Variants in SYNPR observed in about 807,000 individuals in gnomAD.
SYNPR encodes synaptoporin.
In SYNPR, 23 loss-of-function variants were observed where a neutral mutation model predicts 32.9. The observed-to-expected ratio is 0.70, with a 90% CI of 0.50 to 0.99. The LOEUF is 0.99. SYNPR is among the 50% of genes least tolerant of loss of function. The pLI is 0.00. For synonymous variants in SYNPR, 146 were observed against 135.9 expected, an observed-to-expected ratio of 1.07 and a Z score of -0.52; for missense variants, 318 against 349.3, an observed-to-expected ratio of 0.91 and a Z score of 0.71.
intron 2 of SYNPR, among the ~76,000 whole-genome samples, chr3:63,469,181 C>T (rs1700747976): frequency 6.6e-6 from 1 of 152,042 alleles, no homozygotes; most frequent in Admixed American, 6.5e-5. Context: ...CAATCTGAGG[C>T]CTATTCTAAA....
chr3:63,282,557 C>G (rs2086639895), intron 2 of SYNPR, among the ~76,000 whole-genome samples: 1 of 151,848 alleles, frequency 6.6e-6, no homozygotes, highest in Non-Finnish European at 1.5e-5. Flanking sequence ...GTGGTGCATG[C>G]CTATAGCCCC....
At chr3:63,332,686 A>G (rs1447578658) in intron 2 of SYNPR, among the ~76,000 whole-genome samples, 3 of 152,210 alleles carry the variant, frequency 2.0e-5, no homozygotes, top group Admixed American at 6.5e-5. Flanking sequence ...TATAGGTTCC[A>G]TCATCCCTGT....
intron 2 of SYNPR, among the ~76,000 whole-genome samples, chr3:63,313,699 A>ATATCCATATATATG (rs2086995828): frequency 4.4e-5 from 2 of 45,076 alleles, no homozygotes; most frequent in Admixed American, 2.8e-4. Flanking sequence ...CCATATATAT[A>ATATCCATATATATG]TATCCATATA....
At chr3:63,398,824 A>G (rs1476178988) in intron 2 of SYNPR, among the ~76,000 whole-genome samples, 3 of 152,222 alleles carry the variant, frequency 2.0e-5, no homozygotes, top group Admixed American at 6.5e-5. Flanking sequence ...CCTGAGGAAT[A>G]TCTGAGGGGA....
chr3:63,239,439 A>G (rs1044381584), intron 1 of SYNPR, among the ~76,000 whole-genome samples: 7 of 149,344 alleles, frequency 4.7e-5, no homozygotes, highest in African/African-American at 1.5e-4. Context: ...TGTGTCATGT[A>G]CACACACCTT....
At chr3:63,274,358 C>G (rs1014632076), upstream of SYNPR, among the ~76,000 whole-genome samples, 2 of 151,930 alleles carry the variant, frequency 1.3e-5, no homozygotes. Flanking sequence ...CTTTGAGATT[C>G]AAAATGCTTG....
chr3:63,569,480 G>C, intron 4 of SYNPR, among the ~76,000 whole-genome samples: 1 of 152,188 alleles, frequency 6.6e-6, no homozygotes, highest in South Asian at 2.1e-4. Context: ...TCTTCCCAGA[G>C]AATAAAAAAA....
At chr3:63,414,266 C>A (rs2088510476) in intron 2 of SYNPR, among the ~76,000 whole-genome samples, 2 of 152,138 alleles carry the variant, frequency 1.3e-5, no homozygotes, top group South Asian at 4.1e-4. Context: ...GTTTTGTGGG[C>A]TTTTTTCTTA....
chr3:63,254,214 T>C (rs556538954), intron 2 of SYNPR, among the ~76,000 whole-genome samples: 1 of 152,258 alleles, frequency 6.6e-6, no homozygotes, highest in South Asian at 2.1e-4. Flanking sequence ...ATATACCTAA[T>C]GTTAAATGAC....
rs187436687 is a variant in SYNPR at position 63,349,738 on chromosome 3, A to G, written c.84+70996A>G. On this transcript the variant is annotated intron_variant, in intron 2 of 5. Transcript: ENST00000478300. ...GGTTTTCTGTTATCTGGAGAATCCA[A>G]GTTCCTTCTACTCATTTTGAGCATC... Among the ~76,000 whole-genome samples the G allele has an allele frequency of 1.1e-3, 172 of 152,030 alleles. 2 individuals are homozygous for G. The highest frequency in any genetic ancestry group is 4.0e-3 in the African/African-American group (168 of 41,528).
chr3:63,305,027 A>G (rs773187362), intron 2 of SYNPR, among the ~76,000 whole-genome samples: 2 of 151,990 alleles, frequency 1.3e-5, no homozygotes, highest in African/African-American at 2.4e-5. Flanking sequence ...GACATGTAGT[A>G]GCTACCCTCC....
intron 2 of SYNPR, among the ~76,000 whole-genome samples, chr3:63,388,457 G>A (rs1251118238): frequency 2.2e-5 from 3 of 137,156 alleles, no homozygotes; most frequent in African/African-American, 8.2e-5. Context: ...GTGCAATCTC[G>A]GCTCACTGCA....
chr3:63,338,112 G>C (rs2087318081), intron 2 of SYNPR, among the ~76,000 whole-genome samples: 1 of 152,180 alleles, frequency 6.6e-6, no homozygotes, highest in African/African-American at 2.4e-5. Context: ...GTTTGGGATG[G>C]GAGTGGGGTA....
chr3:63,543,489 T>C (rs974977955), intron 3 of SYNPR, among the ~76,000 whole-genome samples: 4 of 152,148 alleles, frequency 2.6e-5, no homozygotes, highest in African/African-American at 9.7e-5. Context: ...AAGATAGGTC[T>C]TAATCTGTGG....
intron 2 of SYNPR, among the ~76,000 whole-genome samples, chr3:63,399,933 G>A (rs573297910): frequency 1.6e-4 from 25 of 152,218 alleles, no homozygotes; most frequent in African/African-American, 5.3e-4. Flanking sequence ...TATTTTGTGC[G>A]TATCCTATTT....
At chr3:63,377,039 T>C (rs1414111930) in intron 2 of SYNPR, among the ~76,000 whole-genome samples, 1 of 152,136 alleles carries the variant, frequency 6.6e-6, no homozygotes, top group Non-Finnish European at 1.5e-5. Flanking sequence ...CAACATCCCG[T>C]TTTTCCCAAG....
chr3:63,437,165 G>A (rs954124605), intron 2 of SYNPR, among the ~76,000 whole-genome samples: 1 of 152,094 alleles, frequency 6.6e-6, no homozygotes, highest in African/African-American at 2.4e-5. Flanking sequence ...ATGAGCCACC[G>A]TGCCTGGCCC....
rs115401723 is a variant in SYNPR at position 63,237,581 on chromosome 3, G to A, written n.66+9201G>A. On this transcript the variant is annotated intron_variant and non_coding_transcript_variant, in intron 1 of 4. Transcript: ENST00000478456. The stretch of plus-strand genomic sequence containing the variant: ...GGTTGTCTTCTCTCCTTCAAGTTGC[G>A]ATGTTCTTGGTTCTTAGTATGACGG... Among the ~76,000 whole-genome samples, 1,478 of 151,938 alleles carry A rather than the reference G, an allele frequency of 9.7e-3. 17 individuals carry two copies. The highest frequency in any genetic ancestry group is 0.016 in the Non-Finnish European group (1,053 of 67,932).
At chr3:63,251,597 T>C (rs753780268) in intron 1 of SYNPR, among the ~76,000 whole-genome samples, 20 of 152,128 alleles carry the variant, frequency 1.3e-4, no homozygotes, top group Non-Finnish European at 2.5e-4. Context: ...TTCCCCCAAA[T>C]CCAGCATGGC....
Sources: gnomAD v4.1 joint callset for allele counts (sites outside exome capture counted in the v4.1 genomes callset) on GRCh38, gnomAD v4.1.1 for gene constraint, MANE v1.5 for transcripts, NCBI Gene and HGNC (gene_info 2026-07-23, HGNC 2026-07-21) for gene names.